The following KCNK1 variants were observed in gnomAD, a reference collection of about 807,000 sequenced individuals.
KCNK1 encodes potassium two pore domain channel subfamily K member 1.
A neutral mutation model predicts 22.2 loss-of-function variants in KCNK1; 10 were observed. The observed-to-expected ratio is 0.45, with a 90% confidence interval of 0.28 to 0.76. The LOEUF (loss-of-function observed/expected upper bound fraction) is 0.76, where lower values mean the gene tolerates loss of function less well. Among genes scored for constraint, KCNK1 ranks in the 30% least tolerant of loss-of-function variants. The pLI is 0.14. For missense variants in KCNK1, 378 were observed against 421.0 expected (o/e 0.90, Z 0.89); for synonymous variants, 200 against 186.4 (o/e 1.07, Z -0.60).
intron 1 of KCNK1, among the ~76,000 whole-genome samples, chr1:233,620,417 A>G (rs529316842): frequency 1.3e-5 from 2 of 152,206 alleles, no homozygotes; most frequent in Non-Finnish European, 2.9e-5. Flanking sequence ...GTGGTATGCA[A>G]CATTGAATAA....
chr1:233,654,063 C>T (rs190990001), intron 1 of KCNK1, among the ~76,000 whole-genome samples: 34 of 152,146 alleles, frequency 2.2e-4, no homozygotes, highest in African/African-American at 7.5e-4. Context: ...ATAAAGAAAG[C>T]CTTAATCCTC....
intron 1 of KCNK1, among the ~76,000 whole-genome samples, chr1:233,619,319 G>A (rs976910585): frequency 6.6e-6 from 1 of 152,064 alleles, no homozygotes; most frequent in African/African-American, 2.4e-5. Flanking sequence ...ACCATGCCTG[G>A]CCCCTGTTCC....
At position 233,671,352 on chromosome 1, in the gene KCNK1, A is replaced by G. The variant is rs771162548; in HGVS notation, c.833A>G (p.Lys278Arg). The change falls in exon 3 of 3, where the codon AAA becomes AGA. Residue 278 changes from lysine to arginine, a missense_variant. Transcript: ENST00000366621. ...CELHELKKFR[K>R]MFYVKKDKDE... ...CTCCATGAGCTGAAAAAATTCAGAAAAATGTTCTATGTGAAGAAGGACAAG... is the reference window on the plus strand; with the variant it reads ...CTCCATGAGCTGAAAAAATTCAGAAGAATGTTCTATGTGAAGAAGGACAAG... 20 of 1,614,100 alleles carry G rather than the reference A, an allele frequency of 1.2e-5. No homozygotes were observed. The Admixed American group carries it at 2.2e-4, about 17-fold the overall frequency.
intron 1 of KCNK1, among the ~76,000 whole-genome samples, chr1:233,628,257 A>G (rs528746321): frequency 2.6e-5 from 4 of 152,290 alleles, no homozygotes; most frequent in African/African-American, 9.6e-5. Flanking sequence ...GAAAAGTCCA[A>G]CCTCGAAGAT....
intron 1 of KCNK1, among the ~76,000 whole-genome samples, chr1:233,643,406 T>G (rs776867741): frequency 2.6e-5 from 4 of 152,220 alleles, no homozygotes; most frequent in Non-Finnish European, 5.9e-5. Flanking sequence ...TGTCTATGTA[T>G]GAGCTCACGG....
intron 1 of KCNK1, among the ~76,000 whole-genome samples, chr1:233,658,713 G>A (rs6692174): frequency 0.22 from 33,863 of 152,128 alleles, 4,099 homozygotes; most frequent in Non-Finnish European, 0.27. Context: ...TCATGTTACC[G>A]TACTGAAGAC....
chr1:233,635,946 G>T (rs1457221269), intron 1 of KCNK1, among the ~76,000 whole-genome samples: 2 of 152,242 alleles, frequency 1.3e-5, no homozygotes, highest in African/African-American at 4.8e-5. Flanking sequence ...AGGCTTCTCT[G>T]AGTAGGCGAC....
chr1:233,617,517 T>C (rs998650721), intron 1 of KCNK1, among the ~76,000 whole-genome samples: 1 of 152,234 alleles, frequency 6.6e-6, no homozygotes, highest in African/African-American at 2.4e-5. Context: ...ATATAAGTTT[T>C]AGATGACATA....
Position 233,633,208 on chromosome 1 carries a change from T to C in KCNK1, c.355+18682T>C, listed in dbSNP as rs189077274. 1.4e-3 allele frequency among the ~76,000 whole-genome samples: 206 copies of C among 150,476 alleles called. 1 individual carries two copies. The highest frequency in any genetic ancestry group is 1.9e-4 in the Non-Finnish European group (13 of 67,784). ...TTGTGACCCTGAGAAATCTATCCCA[T>C]ACTAGATGGATTTGCCATTTGCCTT... is the stretch of plus-strand genomic sequence containing the variant. On this transcript the variant is annotated intron_variant, in intron 1 of 2. Coordinates refer to ENST00000366621, the MANE Select transcript of KCNK1 (RefSeq NM_002245.4).
intron 1 of KCNK1, among the ~76,000 whole-genome samples, chr1:233,664,625 G>A (rs1658457580): frequency 6.6e-6 from 1 of 152,192 alleles, no homozygotes; most frequent in Non-Finnish European, 1.5e-5. Flanking sequence ...CCTGGGCCTT[G>A]CCGTAGTTCA....
intron 1 of KCNK1, among the ~76,000 whole-genome samples, chr1:233,646,063 G>A (rs1231649632): frequency 6.6e-6 from 1 of 152,188 alleles, no homozygotes; most frequent in Non-Finnish European, 1.5e-5. Flanking sequence ...GATGGAGGTT[G>A]CCTAGGGTGT....
intron 1 of KCNK1, among the ~76,000 whole-genome samples, chr1:233,655,191 C>CCTAT (rs1463258695): frequency 6.6e-6 from 1 of 152,170 alleles, no homozygotes; most frequent in Non-Finnish European, 1.5e-5. Context: ...TTGCTAGGGA[C>CCTAT]CTATCCTTTC....
intron 2 of KCNK1, among the ~76,000 whole-genome samples, chr1:233,670,086 T>C (rs1301153833): frequency 1.3e-5 from 2 of 152,184 alleles, no homozygotes; most frequent in East Asian, 3.8e-4. Flanking sequence ...ATTCTTGGAG[T>C]TTTCATCTTC....
intron 1 of KCNK1, among the ~76,000 whole-genome samples, chr1:233,629,194 T>G (rs904081314): frequency 2.0e-5 from 3 of 152,164 alleles, no homozygotes; most frequent in Non-Finnish European, 4.4e-5. Context: ...GAAAGCTGCA[T>G]AGGGTGTAGA....
At position 233,614,168 on chromosome 1, in the gene KCNK1, G is replaced by C; in HGVS notation, c.-4G>C. On this transcript the variant is annotated 5_prime_UTR_variant, in exon 1 of 3. Transcript: ENST00000366621. The stretch of plus-strand genomic sequence containing the variant: ...CGTTGGCCTTGGCGGCGGCGGTGGA[G>C]AAGATGCTGCAGTCCCTGGCCGGCA... 6 of 1,594,008 alleles carry C rather than the reference G, an allele frequency of 3.8e-6. No homozygotes were observed. The highest frequency in any genetic ancestry group is 5.1e-6 in the Non-Finnish European group (6 of 1,175,340).
intron 1 of KCNK1, among the ~76,000 whole-genome samples, chr1:233,622,229 G>C (rs561499480): frequency 6.0e-4 from 92 of 152,314 alleles, no homozygotes; most frequent in African/African-American, 2.1e-3. Context: ...GGCAATTCCA[G>C]AAGGTTCAGT....
At chr1:233,616,282 G>A (rs1657487131) in intron 1 of KCNK1, among the ~76,000 whole-genome samples, 1 of 152,188 alleles carries the variant, frequency 6.6e-6, no homozygotes, top group Non-Finnish European at 1.5e-5. Context: ...GATAGAACAA[G>A]AATAAGAACA....
intron 1 of KCNK1, among the ~76,000 whole-genome samples, chr1:233,650,709 A>T (rs1276596390): frequency 6.6e-6 from 1 of 152,120 alleles, no homozygotes; most frequent in Non-Finnish European, 1.5e-5. Flanking sequence ...TTTCAGGGAG[A>T]CATAGCTAAT....
chr1:233,663,435 C>T (rs867622585), intron 1 of KCNK1, among the ~76,000 whole-genome samples: 1 of 151,956 alleles, frequency 6.6e-6, no homozygotes, highest in South Asian at 2.1e-4. Context: ...ATGAAAAGAG[C>T]TATCATAATT....
Sources: allele counts gnomAD v4.1 joint callset (sites outside exome capture counted in the v4.1 genomes callset), GRCh38; gene constraint gnomAD v4.1.1; transcripts MANE v1.5; gene names NCBI Gene and HGNC (gene_info 2026-07-23, HGNC 2026-07-21).